LRP1B: variants seen among roughly 807,000 people sequenced by gnomAD.
The protein encoded by LRP1B is low-density lipoprotein receptor-related protein 1B.
LRP1B carries 217 observed loss-of-function variants against 556.6 expected under a neutral mutation model. The ratio of observed to expected loss-of-function variants is 0.39; its 90% CI spans 0.35 to 0.44. LRP1B has a LOEUF of 0.44. Among genes scored for constraint, LRP1B ranks in the 20% least tolerant of loss-of-function variants. LRP1B has a pLI of 1.00. For missense variants in LRP1B, 5,053 were observed against 5,620.8 expected (o/e 0.90, Z 3.23); for synonymous variants, 2,047 against 1,865.8 (o/e 1.10, Z -2.50).
chr2:141,674,680 A>G (rs1317329621), intron 2 of LRP1B, among the ~76,000 whole-genome samples: 3 of 152,022 alleles, frequency 2.0e-5, no homozygotes, highest in South Asian at 4.1e-4. Flanking sequence ...CTTGTTTTCA[A>G]ATGAGTAATT....
At chr2:141,912,952 C>T (rs1055044865) in intron 1 of LRP1B, among the ~76,000 whole-genome samples, 1 of 152,280 alleles carries the variant, frequency 6.6e-6, no homozygotes, top group South Asian at 2.1e-4. Context: ...CTTATGAAGG[C>T]TCCTGTGTCA....
chr2:141,556,352 C>A (rs1407730868), intron 2 of LRP1B, among the ~76,000 whole-genome samples: 1 of 152,058 alleles, frequency 6.6e-6, no homozygotes, highest in South Asian at 2.1e-4. Flanking sequence ...TGAAATCACT[C>A]ATTTTCCAGG....
chr2:141,295,774 CACACACACACACACACAT>C (rs1686158783), intron 3 of LRP1B, among the ~76,000 whole-genome samples: 1 of 151,128 alleles, frequency 6.6e-6, no homozygotes, highest in Admixed American at 6.6e-5. Flanking sequence ...CACACACACA[CACACACACACACACACAT>C]AACAGTGGGG....
chr2:141,560,554 G>A (rs1686109727), intron 2 of LRP1B, among the ~76,000 whole-genome samples: 1 of 143,510 alleles, frequency 7.0e-6, no homozygotes. Flanking sequence ...AGGGAATTTA[G>A]GCCTAAGTCT....
At chr2:141,408,826 A>G (rs549951129) in intron 3 of LRP1B, among the ~76,000 whole-genome samples, 1 of 152,292 alleles carries the variant, frequency 6.6e-6, no homozygotes, top group East Asian at 1.9e-4. Flanking sequence ...AAATATATTT[A>G]TTCTTCCCTA....
At chr2:140,583,883 A>G (rs1018822365) in intron 43 of LRP1B, among the ~76,000 whole-genome samples, 4 of 152,196 alleles carry the variant, frequency 2.6e-5, no homozygotes, top group Non-Finnish European at 2.9e-5. Context: ...GTTCTCTTCT[A>G]TCAAATCAAA....
chr2:141,944,231 G>A (rs565096736), intron 1 of LRP1B, among the ~76,000 whole-genome samples: 10 of 152,296 alleles, frequency 6.6e-5, no homozygotes, highest in African/African-American at 2.4e-4. Flanking sequence ...AGATGGTGAT[G>A]ATACACACTA....
At chr2:141,979,521 A>T (rs1174863282) in intron 1 of LRP1B, among the ~76,000 whole-genome samples, 1 of 151,888 alleles carries the variant, frequency 6.6e-6, no homozygotes. Flanking sequence ...CTTATTTTAT[A>T]TTTTTTCAGG....
chr2:141,037,905 A>C (rs200699313), intron 11 of LRP1B, among the ~76,000 whole-genome samples: 15 of 150,896 alleles, frequency 9.9e-5, no homozygotes, highest in African/African-American at 3.6e-4. Flanking sequence ...CTCACATACA[A>C]ACACACACAC....
intron 66 of LRP1B, among the ~76,000 whole-genome samples, chr2:140,415,529 T>A (rs1048322919): frequency 2.0e-5 from 3 of 152,182 alleles, no homozygotes; most frequent in African/African-American, 7.2e-5. Context: ...CTCTTTGTAC[T>A]GTCTCTCTTT....
At chr2:140,830,571 C>T (rs1691680511) in intron 31 of LRP1B, among the ~76,000 whole-genome samples, 1 of 151,986 alleles carries the variant, frequency 6.6e-6, no homozygotes, top group Non-Finnish European at 1.5e-5. Flanking sequence ...AAAAGTACTT[C>T]TCAGCAAACT....
chr2:141,355,597 G>T (rs1433705566), intron 3 of LRP1B, among the ~76,000 whole-genome samples: 1 of 152,098 alleles, frequency 6.6e-6, no homozygotes, highest in African/African-American at 2.4e-5. Flanking sequence ...TTAGGATAAT[G>T]ATAGTAAGGC....
chr2:141,518,819 G>A (rs12997803), intron 2 of LRP1B, among the ~76,000 whole-genome samples: 92,060 of 151,950 alleles, frequency 0.61, 28,186 homozygotes, highest in South Asian at 0.7. Context: ...GTGTGGTGGC[G>A]GGCGCCTGTA....
At chr2:141,788,551 C>G (rs1695498912) in intron 2 of LRP1B, among the ~76,000 whole-genome samples, 1 of 151,734 alleles carries the variant, frequency 6.6e-6, no homozygotes, top group Admixed American at 6.6e-5. Flanking sequence ...TTTTATTATA[C>G]TTTAAGTTTT....
At chr2:142,027,650 C>CA (rs1239107287) in intron 1 of LRP1B, among the ~76,000 whole-genome samples, 1 of 147,922 alleles carries the variant, frequency 6.8e-6, no homozygotes, top group Non-Finnish European at 1.5e-5. Context: ...ATATCATTAA[C>CA]ATTTGTTACA....
intron 7 of LRP1B, among the ~76,000 whole-genome samples, chr2:141,142,750 A>C (rs75085850): frequency 0.027 from 4,167 of 152,042 alleles, 77 homozygotes; most frequent in East Asian, 0.063. Context: ...TGTGCTCATA[A>C]CATTCCTGCT....
chr2:141,807,918 T>G (rs1381672207), intron 2 of LRP1B, among the ~76,000 whole-genome samples: 1 of 152,030 alleles, frequency 6.6e-6, no homozygotes, highest in South Asian at 2.1e-4. Flanking sequence ...TCTAGAGACA[T>G]GGAGTGGACA....
intron 6 of LRP1B, among the ~76,000 whole-genome samples, chr2:141,201,525 C>T (rs1352990819): frequency 6.6e-6 from 1 of 152,026 alleles, no homozygotes; most frequent in Admixed American, 6.6e-5. Context: ...CTTCTGTTTG[C>T]ATATATTAGA....
intron 7 of LRP1B, among the ~76,000 whole-genome samples, chr2:141,166,597 C>A (rs539638005): frequency 6.6e-6 from 1 of 151,248 alleles, no homozygotes; most frequent in African/African-American, 2.4e-5. Context: ...CTGTAATCAC[C>A]CTGGTGTGCT....
Sources: gnomAD v4.1 joint callset for allele counts (sites outside exome capture counted in the v4.1 genomes callset) on GRCh38, gnomAD v4.1.1 for gene constraint, MANE v1.5 for transcripts, NCBI Gene and HGNC (gene_info 2026-07-23, HGNC 2026-07-21) for gene names.